Variants in DNAJC10 observed in about 807,000 individuals in gnomAD.
The protein encoded by DNAJC10 is endoplasmic reticulum disulfide reductase DNAJC10.
DNAJC10 carries 101 observed loss-of-function variants against 115.0 expected under a neutral mutation model. The ratio of observed to expected loss-of-function variants is 0.88; its 90% CI spans 0.75 to 1.04. The LOEUF is 1.04. DNAJC10 is among the 50% of genes least tolerant of loss of function. DNAJC10 has a pLI of 0.00. For synonymous variants in DNAJC10, 307 were observed against 301.5 expected, an observed-to-expected ratio of 1.02 and a Z score of -0.19; for missense variants, 981 against 928.8, an observed-to-expected ratio of 1.06 and a Z score of -0.73.
chr2:182,719,672 A>C (rs1574914202), intron 3 of DNAJC10, among the ~76,000 whole-genome samples: 1 of 152,150 alleles, frequency 6.6e-6, no homozygotes, highest in Non-Finnish European at 1.5e-5. Context: ...GGAGTAAAAA[A>C]TATTTATGAA....
chr2:182,741,389 T>A (rs1387898697), intron 13 of DNAJC10, 33 bp downstream of exon 13: 1 of 1,115,208 alleles, frequency 9.0e-7, no homozygotes, highest in Non-Finnish European at 1.3e-6. Context: ...AGCCTTCTGC[T>A]GGTGTACTTT....
Position 182,777,167 on chromosome 2 carries a change from TTC to T in DNAJC10, c.*37_*38del. The stretch of plus-strand genomic sequence containing the variant: ...AGATGAAGAAAAAGTTTAAAAGAAA[TTC>T]TGACAGATGACATCAGAAGACACCT... On this transcript the variant is annotated 3_prime_UTR_variant, in exon 24 of 24. Transcript: ENST00000264065. 1 of 1,315,560 alleles carries T rather than the reference TTC, an allele frequency of 7.6e-7. No homozygotes were observed. The highest frequency in any genetic ancestry group is 1.7e-5 in the South Asian group (1 of 59,572). The allele number at this position is 1,315,560 out of a possible 1,614,324, so 81.5% of individuals were successfully genotyped here.
At chr2:182,734,570 A>T (rs1425059265) in intron 10 of DNAJC10, among the ~76,000 whole-genome samples, 1 of 151,822 alleles carries the variant, frequency 6.6e-6, no homozygotes, top group Non-Finnish European at 1.5e-5. Context: ...CTATAAAATC[A>T]GTTGGGTCCA....
rs978559599 is a variant in DNAJC10, at chr2:182,783,192, G to A, written c.*6060G>A. On this transcript the variant is annotated 3_prime_UTR_variant, in exon 24 of 24. Coordinates refer to ENST00000264065, the MANE Select transcript of DNAJC10 (RefSeq NM_018981.4). The stretch of plus-strand genomic sequence containing the variant: ...TTTTGTCATAACTGCTATTTCAAAT[G>A]TTTGGAGGAAGTAAAATGTCTTTAA... The A allele has an allele frequency of 6.6e-6, 1 of 152,116 alleles. No individual in the cohort carries two copies. Among genetic ancestry groups the A allele is most frequent in the Non-Finnish European group, 1.5e-5 (1 of 68,024 alleles). The allele number at this position is 152,116 out of a possible 1,614,324, so 9.4% of individuals were successfully genotyped here. A position where few individuals can be genotyped will look rare whatever the true frequency, so the allele number is the denominator to read the frequency against.
rs1475565848 is a variant in DNAJC10 at position 182,789,821 on chromosome 2, C to A, written c.*12689C>A. 6.6e-6 allele frequency: 1 copy of A among 152,152 alleles called. No individual in the cohort carries two copies. The highest frequency in any genetic ancestry group is 1.5e-5 in the Non-Finnish European group (1 of 68,018). 9.4% of individuals were successfully genotyped at this position (152,152 alleles called of 1,614,324 possible). ...CACAAGAGTTCTGATTTTTCCACAT[C>A]CTCACCAACACTCATTTTTTTTAAA... On this transcript the variant is annotated 3_prime_UTR_variant, in exon 24 of 24. Transcript: ENST00000264065.
intron 5 of DNAJC10, among the ~76,000 whole-genome samples, chr2:182,726,424 A>G (rs932161223): frequency 6.6e-6 from 1 of 152,152 alleles, no homozygotes; most frequent in African/African-American, 2.4e-5. Flanking sequence ...TATGACAACA[A>G]AGGATTTAGA....
rs1293769810 is a variant in DNAJC10, at chr2:182,777,419, C to G, written c.*287C>G. On this transcript the variant is annotated 3_prime_UTR_variant, in exon 24 of 24. Coordinates refer to ENST00000264065, the MANE Select transcript of DNAJC10 (RefSeq NM_018981.4). ...ATTCTTTGTTATTTGCTTTTAACAA[C>G]CTTTAAAAAATATTAAAACGATTCT... 8.8e-6 allele frequency: 2 copies of G among 226,928 alleles called. No individual in the cohort carries two copies. The highest frequency in any genetic ancestry group is 1.1e-4 in the Admixed American group (2 of 17,748). The allele number at this position is 226,928 out of a possible 1,614,324, so 14.1% of individuals were successfully genotyped here.
In DNAJC10 at chr2:182,781,637, CTTTT is replaced by C. The variant is rs1208185575; in HGVS notation, c.*4507_*4510del. 1 of 152,154 alleles carries C rather than the reference CTTTT, an allele frequency of 6.6e-6. No individual in the cohort carries two copies. The highest frequency in any genetic ancestry group is 1.5e-5 in the Non-Finnish European group (1 of 68,028). 9.4% of individuals were successfully genotyped at this position (152,154 alleles called of 1,614,324 possible). A position where few individuals can be genotyped will look rare whatever the true frequency, so the allele number is the denominator to read the frequency against. ...CTCTCCAGCATCTGTTGTTTCCTCACTTTTTAATGATCGCCATTCTAACTGATGT... is the reference window on the plus strand; with the variant it reads ...CTCTCCAGCATCTGTTGTTTCCTCACTAATGATCGCCATTCTAACTGATGT... On this transcript the variant is annotated 3_prime_UTR_variant, in exon 24 of 24. Transcript: ENST00000264065.
intron 14 of DNAJC10, among the ~76,000 whole-genome samples, chr2:182,745,970 G>A (rs943515953): frequency 2.6e-5 from 4 of 151,732 alleles, no homozygotes; most frequent in African/African-American, 9.7e-5. Context: ...TCCCACCTAT[G>A]AGTGAGAACA....
chr2:182,758,740 TA>T, intron 19 of DNAJC10, 96 bp from the exon 20 acceptor site: 1 of 870,400 alleles, frequency 1.1e-6, no homozygotes, highest in Non-Finnish European at 1.9e-6. Flanking sequence ...AATCAATCAA[TA>T]TAACTTATTT....
chr2:182,722,854 C>A (rs556825218), intron 5 of DNAJC10, among the ~76,000 whole-genome samples: 13 of 151,832 alleles, frequency 8.6e-5, no homozygotes, highest in Non-Finnish European at 1.9e-4. Context: ...GCACAAGAAT[C>A]GCGTGAATCT....
At chr2:182,755,144 G>A (rs1048404534) in intron 17 of DNAJC10, 40 bp downstream of exon 17, 2 of 1,247,170 alleles carry the variant, frequency 1.6e-6, no homozygotes, top group African/African-American at 3.0e-5. Context: ...AAATTTGTCT[G>A]TTTCTATGTA....
At chr2:182,730,177 A>G (rs190008950) in intron 8 of DNAJC10, among the ~76,000 whole-genome samples, 3 of 152,332 alleles carry the variant, frequency 2.0e-5, no homozygotes, top group Admixed American at 6.5e-5. Flanking sequence ...AGATAGGGCT[A>G]CGGTAAAAAA....
In DNAJC10 at chr2:182,790,818, A is replaced by C. The variant is rs143952965; in HGVS notation, c.*13686A>C. ...AAAAAAAAAAAAAATTACAATAGTA[A>C]TAATTATGCCTTCTAACACTAAAAT... is the stretch of plus-strand genomic sequence containing the variant. On this transcript the variant is annotated 3_prime_UTR_variant, in exon 24 of 24. Coordinates refer to ENST00000264065, the MANE Select transcript of DNAJC10 (RefSeq NM_018981.4). 1.7e-3 allele frequency: 265 copies of C among 151,838 alleles called. 2 individuals carry two copies. Among genetic ancestry groups the C allele is most frequent in the African/African-American group, 6.1e-3 (252 of 41,446 alleles). 9.4% of individuals were successfully genotyped at this position (151,838 alleles called of 1,614,324 possible). A position where few individuals can be genotyped will look rare whatever the true frequency, so the allele number is the denominator to read the frequency against.
At chr2:182,769,669 GT>G (rs1285025840) in intron 22 of DNAJC10, among the ~76,000 whole-genome samples, 16 of 150,282 alleles carry the variant, frequency 1.1e-4, no homozygotes, top group South Asian at 2.1e-4. Flanking sequence ...TTTTTGATGG[GT>G]TTTTTTTTAT....
chr2:182,757,806 A>T lies in DNAJC10; in HGVS notation c.1924A>T (p.Asn642Tyr), dbSNP rs1207049167. ...GATAAGATTTTTTCCCCCAAAATCA[A>T]ATAAAGCTTATCATTATCAGTAAGT... ...PEIRFFPPKS[N>Y]KAYHYHSYNG... The change falls in exon 19 of 24, where the codon AAT becomes TAT. Residue 642 changes from asparagine to tyrosine, a missense_variant. Coordinates refer to ENST00000264065, the MANE Select transcript of DNAJC10 (RefSeq NM_018981.4). 9 of 1,515,798 alleles carry T rather than the reference A, an allele frequency of 5.9e-6. No individual in the cohort carries two copies. Among genetic ancestry groups the T allele is most frequent in the Non-Finnish European group, 7.3e-6 (8 of 1,097,256 alleles). The allele number at this position is 1,515,798 out of a possible 1,614,324, so 93.9% of individuals were successfully genotyped here.
intron 11 of DNAJC10, among the ~76,000 whole-genome samples, chr2:182,739,322 C>T (rs2105642079): frequency 6.7e-6 from 1 of 149,534 alleles, no homozygotes; most frequent in Non-Finnish European, 1.5e-5. Flanking sequence ...TTATGTTGTA[C>T]CTATTATTTT....
At chr2:182,723,328 G>A (rs1693202171) in intron 5 of DNAJC10, among the ~76,000 whole-genome samples, 1 of 152,040 alleles carries the variant, frequency 6.6e-6, no homozygotes, top group African/African-American at 2.4e-5. Flanking sequence ...TTACAGGCAT[G>A]AGCCACCACA....
At chr2:182,729,051 G>C in intron 7 of DNAJC10, 57 bp downstream of exon 7, 2 of 1,548,676 alleles carry the variant, frequency 1.3e-6, no homozygotes, top group Non-Finnish European at 1.8e-6. Flanking sequence ...AAGTTAAATA[G>C]TAGAGAAAAT....
Sources: allele counts gnomAD v4.1 joint callset (sites outside exome capture counted in the v4.1 genomes callset), GRCh38; gene constraint gnomAD v4.1.1; transcripts MANE v1.5; gene names NCBI Gene and HGNC (gene_info 2026-07-23, HGNC 2026-07-21).